Variants in ZNF536 observed in about 807,000 individuals in gnomAD.
ZNF536 encodes the protein zinc finger protein 536.
Under a neutral mutation model 84.5 loss-of-function variants are expected in ZNF536, and 13 were observed. That is an observed-to-expected ratio of 0.15 (90% CI 0.10 to 0.24). The LOEUF is 0.24. Among genes scored for constraint, ZNF536 ranks in the 10% least tolerant of loss-of-function variants. The pLI, the probability that ZNF536 is intolerant of heterozygous loss-of-function variation, is 1.00. For synonymous variants in ZNF536, 811 were observed against 742.5 expected (o/e 1.09, Z -1.50); for missense variants, 1,536 against 1,747.5 (o/e 0.88, Z 2.16).
chr19:30,284,653 C>T (rs1224829647), intron 2 of ZNF536, among the ~76,000 whole-genome samples: 1 of 152,176 alleles, frequency 6.6e-6, no homozygotes. Flanking sequence ...GGAGCTGATA[C>T]AAACTTAAAA....
chr19:30,564,810 T>C (rs1027775688), intron 1 of ZNF536, among the ~76,000 whole-genome samples: 4 of 152,204 alleles, frequency 2.6e-5, no homozygotes, highest in African/African-American at 9.6e-5. Flanking sequence ...CTGCTCTGCC[T>C]TCACTGGGTG....
chr19:30,508,547 C>T (rs1045225711), intron 2 of ZNF536, among the ~76,000 whole-genome samples: 1 of 152,076 alleles, frequency 6.6e-6, no homozygotes, highest in Non-Finnish European at 1.5e-5. Flanking sequence ...GACTGTGAGT[C>T]TTTGCGGCCC....
chr19:30,665,503 G>A (rs991571617), intron 1 of ZNF536: 1 of 152,200 alleles, frequency 6.6e-6, no homozygotes, highest in African/African-American at 2.4e-5. Flanking sequence ...AGAGATCCAT[G>A]GCCCTGTGGG....
At chr19:30,497,063 C>G (rs1039082541) in intron 2 of ZNF536, among the ~76,000 whole-genome samples, 20 of 152,250 alleles carry the variant, frequency 1.3e-4, no homozygotes, top group Admixed American at 6.5e-4. Context: ...TGCTCCTCCC[C>G]CTCTACTTTG....
chr19:30,262,932 C>T (rs2025304296), intron 1 of ZNF536, among the ~76,000 whole-genome samples: 1 of 152,170 alleles, frequency 6.6e-6, no homozygotes, highest in African/African-American at 2.4e-5. Flanking sequence ...GGCCAACCCT[C>T]TTGGGAATGA....
intron 1 of ZNF536, among the ~76,000 whole-genome samples, chr19:30,608,067 C>A (rs767468284): frequency 5.3e-5 from 8 of 152,130 alleles, no homozygotes; most frequent in Non-Finnish European, 1.0e-4. Context: ...CACCAAATAT[C>A]TTTTGCGTAT....
At chr19:30,535,704 T>G (rs1432196764) in intron 3 of ZNF536, among the ~76,000 whole-genome samples, 1 of 151,768 alleles carries the variant, frequency 6.6e-6, no homozygotes, top group Non-Finnish European at 1.5e-5. Flanking sequence ...TTCTGCTTGT[T>G]GCTTGCACAT....
intron 2 of ZNF536, among the ~76,000 whole-genome samples, chr19:30,511,480 G>A (rs574255696): frequency 6.6e-6 from 1 of 152,174 alleles, no homozygotes; most frequent in South Asian, 2.1e-4. Context: ...TAGTTTGTGG[G>A]TCTGTCTGGG....
intron 2 of ZNF536, among the ~76,000 whole-genome samples, chr19:30,316,642 G>A (rs1486086963): frequency 1.3e-5 from 2 of 152,180 alleles, no homozygotes; most frequent in East Asian, 1.9e-4. Context: ...CCAGGCAGTA[G>A]TCTGGGCATG....
At chr19:30,279,206 T>G (rs2045348705) in intron 1 of ZNF536, among the ~76,000 whole-genome samples, 1 of 152,224 alleles carries the variant, frequency 6.6e-6, no homozygotes, top group Non-Finnish European at 1.5e-5. Context: ...CTTTATTATC[T>G]TCTTAGAGAT....
chr19:30,271,933 A>G (rs2025876543), intron 1 of ZNF536, among the ~76,000 whole-genome samples: 1 of 152,194 alleles, frequency 6.6e-6, no homozygotes, highest in Admixed American at 6.5e-5. Context: ...GAAGTAAGAA[A>G]CTGGTAGAAT....
At position 30,554,161 on chromosome 19, in the gene ZNF536, G is replaced by C. The variant is rs1487864684; in HGVS notation, c.3896-2996G>C. ...TTTTTATGTGTGATGAGATGAACCA[G>C]GACAACCAAAGCTGAACTCTCTTAA... On this transcript the variant is annotated intron_variant, in intron 4 of 4. Coordinates refer to ENST00000355537, the MANE Select transcript of ZNF536 (RefSeq NM_014717.3). The C allele has an allele frequency of 3.3e-5, 5 of 149,818 alleles. No homozygotes were observed. In the East Asian group the frequency reaches 7.9e-4, roughly 24 times the overall value. The allele number at this position is 149,818 out of a possible 1,614,324, so 9.3% of individuals were successfully genotyped here. A position where few individuals can be genotyped will look rare whatever the true frequency, so the allele number is the denominator to read the frequency against.
intron 1 of ZNF536, among the ~76,000 whole-genome samples, chr19:30,267,028 C>T (rs563699147): frequency 2.6e-5 from 4 of 152,250 alleles, no homozygotes; most frequent in Non-Finnish European, 4.4e-5. Flanking sequence ...ATGTTTGTTA[C>T]GAAGCTGAGT....
intron 1 of ZNF536, among the ~76,000 whole-genome samples, chr19:30,604,572 TC>T (rs927750259): frequency 6.6e-6 from 1 of 152,228 alleles, no homozygotes; most frequent in Non-Finnish European, 1.5e-5. Context: ...CTGGTTTTTT[TC>T]TTTATGATCA....
chr19:30,360,881 C>T (rs777487645), intron 3 of ZNF536, among the ~76,000 whole-genome samples: 1 of 152,240 alleles, frequency 6.6e-6, no homozygotes, highest in Middle Eastern at 3.2e-3. Flanking sequence ...CTTTTCTCCT[C>T]TCTGCTGCCC....
At chr19:30,591,437 C>A (rs571009678) in intron 1 of ZNF536, among the ~76,000 whole-genome samples, 4 of 152,168 alleles carry the variant, frequency 2.6e-5, no homozygotes, top group Admixed American at 6.5e-5. Context: ...TCTTCCATGG[C>A]GGCAGGTGAG....
chr19:30,280,244 C>T (rs2045392432), intron 1 of ZNF536, among the ~76,000 whole-genome samples: 1 of 152,052 alleles, frequency 6.6e-6, no homozygotes, highest in East Asian at 1.9e-4. Context: ...TCTCTTTCCT[C>T]CTGCCCCCCT....
At chr19:30,452,161 A>C (rs1600794831) in intron 2 of ZNF536, among the ~76,000 whole-genome samples, 1 of 152,148 alleles carries the variant, frequency 6.6e-6, no homozygotes, top group South Asian at 2.1e-4. Flanking sequence ...TCCCATGCTT[A>C]CCATGCACTC....
intron 1 of ZNF536, among the ~76,000 whole-genome samples, chr19:30,660,063 A>T (rs1369186523): frequency 6.6e-6 from 1 of 152,130 alleles, no homozygotes; most frequent in African/African-American, 2.4e-5. Flanking sequence ...AGCCACAGAT[A>T]ACTTGTCTAA....
Sources: allele counts gnomAD v4.1 joint callset (sites outside exome capture counted in the v4.1 genomes callset), GRCh38; gene constraint gnomAD v4.1.1; transcripts MANE v1.5; gene names NCBI Gene and HGNC (gene_info 2026-07-23, HGNC 2026-07-21).